The following CTNNA2 variants were observed in gnomAD, a reference collection of about 807,000 sequenced individuals.
The protein encoded by CTNNA2 is catenin alpha-2.
CTNNA2 carries 42 observed loss-of-function variants against 101.0 expected under a neutral mutation model. The observed-to-expected ratio is 0.42, with a 90% confidence interval of 0.32 to 0.54. The LOEUF (loss-of-function observed/expected upper bound fraction) is 0.54. Ranked by LOEUF, CTNNA2 falls within the 20% of genes least tolerant of loss-of-function variation. The pLI is 0.14. For missense variants in CTNNA2, 871 were observed against 1,223.1 expected, an observed-to-expected ratio of 0.71 and a Z score of 4.29; for synonymous variants, 450 against 456.4, an observed-to-expected ratio of 0.99 and a Z score of 0.18.
chr2:79,548,211 T>G (rs1371977679), intron 1 of CTNNA2: 1 of 152,226 alleles, frequency 6.6e-6, no homozygotes, highest in Non-Finnish European at 1.5e-5. Context: ...AACATTTGAA[T>G]CATACTTAAC....
chr2:79,236,598 A>T (rs754381102), intron 2 of CTNNA2, among the ~76,000 whole-genome samples: 16 of 152,120 alleles, frequency 1.1e-4, no homozygotes, highest in Non-Finnish European at 1.9e-4. Context: ...ATAGCCTTTC[A>T]CTCACTATAG....
chr2:79,458,631 T>C (rs1670849027), intron 4 of CTNNA2, among the ~76,000 whole-genome samples: 1 of 152,098 alleles, frequency 6.6e-6, no homozygotes, highest in Admixed American at 6.6e-5. Context: ...AGGTGAAGAG[T>C]TGGTGCCCTC....
chr2:80,301,403 CA>C (rs1191862568), intron 7 of CTNNA2, among the ~76,000 whole-genome samples: 1 of 152,166 alleles, frequency 6.6e-6, no homozygotes, highest in African/African-American at 2.4e-5. Flanking sequence ...ATCAAAGACT[CA>C]GGAGAATTAA....
intron 3 of CTNNA2, among the ~76,000 whole-genome samples, chr2:79,828,565 A>C (rs1678622615): frequency 6.6e-6 from 1 of 152,236 alleles, no homozygotes; most frequent in African/African-American, 2.4e-5. Context: ...ATCAGTTGCA[A>C]AGTAATGGCA....
At position 79,354,193 on chromosome 2, in the gene CTNNA2, C is replaced by T. The variant is rs189693630; in HGVS notation, c.-317-19638C>T. Among the ~76,000 whole-genome samples, 211 of 152,018 alleles carry T rather than the reference C, an allele frequency of 1.4e-3. 2 individuals carry two copies. Among genetic ancestry groups the T allele is most frequent in the Non-Finnish European group, 4.7e-4 (32 of 67,974 alleles). On this transcript the variant is annotated intron_variant, in intron 3 of 21. Transcript: ENST00000466387. ...TTTATAGTATCTCACAAGGGTTCTC[C>T]GAATTTCTTGAATTTGTGTGTCAAC... is the stretch of plus-strand genomic sequence containing the variant.
chr2:80,361,970 C>T (rs1271563683), intron 7 of CTNNA2, among the ~76,000 whole-genome samples: 1 of 152,106 alleles, frequency 6.6e-6, no homozygotes, highest in Non-Finnish European at 1.5e-5. Context: ...ATAACTAGTC[C>T]TCTAGTAAGA....
chr2:79,219,830 G>A (rs538890013), intron 2 of CTNNA2, among the ~76,000 whole-genome samples: 12 of 152,284 alleles, frequency 7.9e-5, no homozygotes, highest in African/African-American at 2.9e-4. Flanking sequence ...TGCCATTTGG[G>A]ATAGAGACAT....
chr2:79,350,762 T>A (rs556975121), intron 3 of CTNNA2, among the ~76,000 whole-genome samples: 8 of 152,322 alleles, frequency 5.3e-5, no homozygotes, highest in Non-Finnish European at 7.3e-5. Flanking sequence ...AAACAGTGTA[T>A]AGTCATTCCC....
chr2:80,534,223 T>G (rs982218144), intron 9 of CTNNA2, among the ~76,000 whole-genome samples: 1 of 152,162 alleles, frequency 6.6e-6, no homozygotes, highest in African/African-American at 2.4e-5. Flanking sequence ...TTTTTATAGA[T>G]GTATAACTGT....
At chr2:80,028,839 G>C (rs1279301865) in intron 7 of CTNNA2, among the ~76,000 whole-genome samples, 1 of 152,156 alleles carries the variant, frequency 6.6e-6, no homozygotes, top group Non-Finnish European at 1.5e-5. Flanking sequence ...CAAAAGATAA[G>C]GAAATAGATT....
At chr2:79,422,988 G>A (rs1452323699) in intron 4 of CTNNA2, among the ~76,000 whole-genome samples, 10 of 152,156 alleles carry the variant, frequency 6.6e-5, no homozygotes, top group Admixed American at 5.2e-4. Context: ...GAAGATTAAA[G>A]ATAGTTGCAA....
intron 2 of CTNNA2, among the ~76,000 whole-genome samples, chr2:79,664,805 A>G (rs1004579008): frequency 1.5e-5 from 2 of 136,418 alleles, no homozygotes; most frequent in African/African-American, 2.8e-5. Context: ...TCCGCCTCCC[A>G]GGTTCATGCC....
In CTNNA2 at chr2:79,651,595, C is replaced by T. The variant is rs1455357902; in HGVS notation, c.39C>T (p.Asp13=). The part of the protein sequence containing the change: ...SATSPIILKW[D]PKSLEIRTLT... ...CTTCACCTATCATTCTGAAATGGGA[C>T]CCCAAAAGTTTGGAAATCCGGACGC... is the stretch of plus-strand genomic sequence containing the variant. Residue 13 remains aspartate, a synonymous_variant, in exon 2 of 19, where the codon GAC becomes GAT. Transcript: ENST00000402739. 4 of 1,613,658 alleles carry T rather than the reference C, an allele frequency of 2.5e-6. No homozygotes were observed. The highest frequency in any genetic ancestry group is 1.7e-5 in the Admixed American group (1 of 59,936).
chr2:80,303,767 G>A lies in CTNNA2; in HGVS notation c.1057-89444G>A. The A allele has an allele frequency of 6.4e-7, 1 of 1,570,216 alleles. No individual in the cohort carries two copies. The highest frequency in any genetic ancestry group is 8.6e-7 in the Non-Finnish European group (1 of 1,159,332). On this transcript the variant is annotated intron_variant, in intron 7 of 18. Coordinates refer to ENST00000402739, the MANE Select transcript of CTNNA2 (RefSeq NM_001282597.3). This position sits in a 1 kb window ranked among gnomAD's most constrained non-coding sequence, Gnocchi z 7.7. ...CCCCAGCAGACACAAGACCACCCCC[G>A]AGGGCCTCCTCAGCAGCCAGTATAG... is the stretch of plus-strand genomic sequence containing the variant.
At chr2:79,895,692 ATTTTT>A (rs70940058) in intron 6 of CTNNA2, among the ~76,000 whole-genome samples, 1 of 140,598 alleles carries the variant, frequency 7.1e-6, no homozygotes, top group Non-Finnish European at 1.5e-5. Flanking sequence ...AAATTTCTTA[ATTTTT>A]TTTTTTTTTT....
At chr2:79,838,555 T>TA (rs2103827343) in intron 3 of CTNNA2, among the ~76,000 whole-genome samples, 1 of 152,260 alleles carries the variant, frequency 6.6e-6, no homozygotes, top group South Asian at 2.1e-4. Flanking sequence ...AAGAACATAC[T>TA]CTGATTAGAC....
intron 15 of CTNNA2, among the ~76,000 whole-genome samples, chr2:80,597,705 A>G (rs1299299035): frequency 1.3e-5 from 2 of 152,356 alleles, no homozygotes; most frequent in Admixed American, 6.5e-5. Context: ...TATGTGGCCA[A>G]CAAACATAAA....
chr2:79,727,687 A>C (rs1392722410), intron 2 of CTNNA2, among the ~76,000 whole-genome samples: 1 of 149,264 alleles, frequency 6.7e-6, no homozygotes, highest in Non-Finnish European at 1.5e-5. Context: ...TTAACTCGTC[A>C]TTTAGCATTA....
chr2:80,524,574 G>A (rs565572832), intron 9 of CTNNA2, among the ~76,000 whole-genome samples: 1 of 152,204 alleles, frequency 6.6e-6, no homozygotes, highest in African/African-American at 2.4e-5. Context: ...GACTAGTCAC[G>A]TTGAACTACT....
Sources: allele counts gnomAD v4.1 joint callset (sites outside exome capture counted in the v4.1 genomes callset), GRCh38; gene constraint gnomAD v4.1.1; non-coding constraint Gnocchi (gnomAD v3.1); transcripts MANE v1.5; gene names NCBI Gene and HGNC (gene_info 2026-07-23, HGNC 2026-07-21).